DOCK2: variants seen among roughly 807,000 people sequenced by gnomAD.
The protein encoded by DOCK2 is dedicator of cytokinesis protein 2.
Under a neutral mutation model 248.9 loss-of-function variants are expected in DOCK2, and 87 were observed. The observed-to-expected ratio is 0.35, with a 90% confidence interval of 0.29 to 0.42. DOCK2 has a LOEUF of 0.42. Ranked by LOEUF, DOCK2 falls within the 10% of genes least tolerant of loss-of-function variation. The pLI is 1.00. For missense variants in DOCK2, 1,747 were observed against 2,300.2 expected (o/e 0.76, Z 4.92); for synonymous variants, 805 against 821.6 (o/e 0.98, Z 0.35).
At chr5:169,761,369 A>G (rs1345704530) in intron 24 of DOCK2, 150 bp from the exon 25 acceptor site, 4 of 654,470 alleles carry the variant, frequency 6.1e-6, no homozygotes, top group Admixed American at 2.5e-5. Flanking sequence ...CAACTTGTAC[A>G]TTTTTACTGA....
At chr5:169,936,578 C>CT (rs4041977) in intron 27 of DOCK2, among the ~76,000 whole-genome samples, 5,454 of 122,808 alleles carry the variant, frequency 0.044, 157 homozygotes, top group East Asian at 0.1. Flanking sequence ...TCTCAGACTC[C>CT]TTTTTTTTTT....
chr5:169,926,338 G>A lies in DOCK2; in HGVS notation c.2800-56730G>A. ...ATAGGATGGCACTGTTCTTACTTTT[G>A]ATGAATGTCTGAAAAATGAACTTCT... On this transcript the variant is annotated intron_variant, in intron 27 of 51. Coordinates refer to ENST00000520908, the MANE Select transcript of DOCK2 (RefSeq NM_004946.3). Among the ~76,000 whole-genome samples, 2 of 152,172 alleles carry A rather than the reference G, an allele frequency of 1.3e-5. 1 individual carries two copies. The highest frequency in any genetic ancestry group is 4.1e-4 in the South Asian group (2 of 4,820).
intron 44 of DOCK2, among the ~76,000 whole-genome samples, chr5:170,067,272 C>T (rs986064749): frequency 1.7e-4 from 25 of 144,252 alleles, no homozygotes; most frequent in African/African-American, 6.5e-4. Flanking sequence ...AGGTACCTGA[C>T]ACTTCCTGCT....
At chr5:169,747,321 A>G in intron 22 of DOCK2, 75 bp from the exon 23 acceptor site, 2 of 1,339,788 alleles carry the variant, frequency 1.5e-6, no homozygotes, top group Non-Finnish European at 2.1e-6. Context: ...TTTTAAATGA[A>G]GTTTGTGCCT....
Position 169,712,182 on chromosome 5 carries a change from A to C in DOCK2, c.1618A>C (p.Thr540Pro), listed in dbSNP as rs1581078515. 1 of 1,614,136 alleles carries C rather than the reference A, an allele frequency of 6.2e-7. No individual in the cohort carries two copies. ...SYVKLMKEDG[T>P]TLHDGFHDLV... ...TGTGAAGCTGATGAAAGAAGATGGGACTACTCTACACGATGGATTCCATGA... is the reference window on the plus strand; with the variant it reads ...TGTGAAGCTGATGAAAGAAGATGGGCCTACTCTACACGATGGATTCCATGA... The change falls in exon 17 of 52, where the codon ACT (threonine) becomes CCT (proline). Residue 540 changes from threonine (T) to proline (P), a missense_variant. By Grantham distance (38) the Thr-to-Pro change is conservative. Coordinates refer to ENST00000520908, the MANE Select transcript of DOCK2 (RefSeq NM_004946.3).
intron 22 of DOCK2, among the ~76,000 whole-genome samples, chr5:169,738,872 T>C (rs948018041): frequency 2.0e-5 from 3 of 152,198 alleles, no homozygotes; most frequent in Non-Finnish European, 2.9e-5. Context: ...CTGTGACCGA[T>C]ACCATTGCTC....
rs1581552221 is a variant in DOCK2 at position 170,044,390 on chromosome 5, G to A, written c.3877-1426G>A. On this transcript the variant is annotated intron_variant, in intron 38 of 51. Transcript: ENST00000520908. ...AGACTCAGAGAAATTAGTGACTGTT[G>A]GAGGTCCCAGTGGCCACACAGGCAG... Among the ~76,000 whole-genome samples the A allele has an allele frequency of 2.0e-5, 3 of 152,142 alleles. No individual in the cohort carries two copies. In the East Asian group the frequency reaches 5.8e-4, roughly 29 times the overall value.
At chr5:169,730,013 A>G (rs1031340415) in intron 22 of DOCK2, among the ~76,000 whole-genome samples, 4 of 152,088 alleles carry the variant, frequency 2.6e-5, no homozygotes, top group Non-Finnish European at 5.9e-5. Flanking sequence ...CTGGAGTGCA[A>G]TGGCACAATC....
chr5:169,733,398 T>C (rs1445853898), intron 22 of DOCK2, among the ~76,000 whole-genome samples: 2 of 151,684 alleles, frequency 1.3e-5, no homozygotes, highest in Non-Finnish European at 2.9e-5. Context: ...TTTCTAAAAA[T>C]AACTCCACAT....
At chr5:169,831,840 C>T (rs1769247417) in intron 26 of DOCK2, among the ~76,000 whole-genome samples, 1 of 152,172 alleles carries the variant, frequency 6.6e-6, no homozygotes, top group Non-Finnish European at 1.5e-5. Flanking sequence ...AAACTTGAGG[C>T]TCAGAGGGGC....
intron 25 of DOCK2, among the ~76,000 whole-genome samples, chr5:169,762,989 C>A (rs1764574126): frequency 6.6e-6 from 1 of 152,188 alleles, no homozygotes; most frequent in Non-Finnish European, 1.5e-5. Context: ...TGTATCCTCT[C>A]CCCAGAGTTA....
intron 27 of DOCK2, among the ~76,000 whole-genome samples, chr5:169,891,044 C>T (rs1048168523): frequency 1.3e-5 from 2 of 152,220 alleles, no homozygotes; most frequent in Non-Finnish European, 2.9e-5. Flanking sequence ...CAAGCCACAA[C>T]CCTATGTCAT....
intron 6 of DOCK2, among the ~76,000 whole-genome samples, chr5:169,681,417 C>A (rs1267536282): frequency 6.6e-6 from 1 of 151,242 alleles, no homozygotes; most frequent in African/African-American, 2.5e-5. Context: ...AGTCACCGTA[C>A]CCAGCTAACA....
intron 27 of DOCK2, among the ~76,000 whole-genome samples, chr5:169,854,260 A>G (rs375258794): frequency 1.1e-4 from 16 of 150,438 alleles, no homozygotes; most frequent in African/African-American, 3.9e-4. Context: ...ATCTCAGTTC[A>G]CTGCAACCTC....
intron 33 of DOCK2, among the ~76,000 whole-genome samples, chr5:170,024,065 G>C (rs1325508605): frequency 6.6e-6 from 1 of 152,192 alleles, no homozygotes. Flanking sequence ...AGAAGGTTTG[G>C]GCTCCTGGAG....
Position 169,674,415 on chromosome 5 carries a change from A to C in DOCK2, c.440A>C (p.Lys147Thr). ...PKDELKELKQ[K>T]VTSKIDYGNK... ...GATGAGCTGAAGGAACTGAAGCAGA[A>C]AGTCACGTCCAAAATTGACTATGGC... Residue 147 changes from lysine (K) to threonine (T), a missense_variant, in exon 6 of 52, where the codon AAA becomes ACA. Coordinates refer to ENST00000520908, the MANE Select transcript of DOCK2 (RefSeq NM_004946.3). 1.2e-6 allele frequency: 2 copies of C among 1,614,134 alleles called. No individual in the cohort carries two copies. The highest frequency in any genetic ancestry group is 1.7e-6 in the Non-Finnish European group (2 of 1,179,982).
At chr5:169,900,985 G>T (rs374004252) in intron 27 of DOCK2, among the ~76,000 whole-genome samples, 1 of 152,090 alleles carries the variant, frequency 6.6e-6, no homozygotes, top group African/African-American at 2.4e-5. Context: ...CTTAGTTACG[G>T]GTAGGAAAGG....
intron 27 of DOCK2, among the ~76,000 whole-genome samples, chr5:169,863,964 GTT>G (rs1368199652): frequency 6.6e-6 from 1 of 152,190 alleles, no homozygotes; most frequent in East Asian, 1.9e-4. Context: ...GTAGTGTGGG[GTT>G]TTGCTCGTGG....
chr5:169,813,444 G>C (rs1382497881), intron 26 of DOCK2, among the ~76,000 whole-genome samples: 1 of 152,118 alleles, frequency 6.6e-6, no homozygotes, highest in Admixed American at 6.5e-5. Flanking sequence ...GGAAAACGTT[G>C]CATATATCCA....
Sources: gnomAD v4.1 joint callset for allele counts (sites outside exome capture counted in the v4.1 genomes callset) on GRCh38, gnomAD v4.1.1 for gene constraint, MANE v1.5 for transcripts, NCBI Gene and HGNC (gene_info 2026-07-23, HGNC 2026-07-21) for gene names.